The following WDR45B variants were observed in gnomAD, a reference collection of about 807,000 sequenced individuals.
WDR45B encodes the protein WD repeat domain 45B.
WDR45B carries 20 observed loss-of-function variants against 44.6 expected under a neutral mutation model. The observed-to-expected ratio is 0.45, with a 90% CI of 0.32 to 0.65. The LOEUF is 0.65. WDR45B is among the 30% of genes least tolerant of loss of function. The pLI is 0.05. For synonymous variants in WDR45B, 169 were observed against 164.9 expected, an observed-to-expected ratio of 1.02 and a Z score of -0.19; for missense variants, 323 against 430.2, an observed-to-expected ratio of 0.75 and a Z score of 2.20.
chr17:82,629,915 G>C lies in WDR45B; in HGVS notation c.244+1006C>G, dbSNP rs543820690. 74 of 984,750 alleles carry C rather than the reference G, an allele frequency of 7.5e-5. No individual in the cohort carries two copies. In the South Asian group the frequency reaches 9.9e-4, roughly 13 times the overall value. 61.0% of individuals were successfully genotyped at this position (984,750 alleles called of 1,614,324 possible). A position where few individuals can be genotyped will look rare whatever the true frequency, so the allele number is the denominator to read the frequency against. On this transcript the variant is annotated intron_variant, in intron 3 of 9. Coordinates refer to ENST00000392325, the MANE Select transcript of WDR45B (RefSeq NM_019613.4). The stretch of plus-strand genomic sequence containing the variant: ...TGCGGCGCCCCCAGAGCCCCATCCT[G>C]GTCTTGATTCTGAACTGCCTCCCTC...
intron 2 of WDR45B, among the ~76,000 whole-genome samples, chr17:82,639,311 T>C (rs752041715): frequency 5.9e-5 from 9 of 152,046 alleles, no homozygotes; most frequent in Non-Finnish European, 8.8e-5. Context: ...ACCCCTTTCA[T>C]GAAAGTCATT....
intron 5 of WDR45B, among the ~76,000 whole-genome samples, chr17:82,623,051 A>G (rs2045640267): frequency 6.6e-6 from 1 of 152,242 alleles, no homozygotes; most frequent in Non-Finnish European, 1.5e-5. Context: ...TCTTTTAGCA[A>G]TACTTGCAAA....
In WDR45B at chr17:82,631,032, T is replaced by C. The variant is rs758032277; in HGVS notation, c.143-10A>G. ...CCTCCTTCTAGAAATTCTGAAATGA[T>C]AGTTTTAAAAAGACCAATGTTACAA... is the stretch of plus-strand genomic sequence containing the variant. On this transcript the variant is annotated splice_polypyrimidine_tract_variant and intron_variant, in intron 2 of 9. Transcript: ENST00000392325. 6.2e-7 allele frequency: 1 copy of C among 1,611,922 alleles called. No homozygotes were observed. The highest frequency in any genetic ancestry group is 1.1e-5 in the South Asian group (1 of 91,024).
At chr17:82,631,047 CA>C in intron 2 of WDR45B, 25 bp from the exon 3 acceptor site, 1 of 1,588,310 alleles carries the variant, frequency 6.3e-7, no homozygotes, top group African/African-American at 1.3e-5. Context: ...TTAAAAAGAC[CA>C]ATGTTACAAG....
intron 2 of WDR45B, among the ~76,000 whole-genome samples, chr17:82,634,167 A>AAAAAAAAC (rs2045805092): frequency 6.7e-6 from 1 of 149,642 alleles, no homozygotes; most frequent in South Asian, 2.1e-4. Context: ...AAAAAAAAAA[A>AAAAAAAAC]AAAAAAAGGC....
intron 2 of WDR45B, among the ~76,000 whole-genome samples, chr17:82,635,426 G>GTTTTT (rs35735710): frequency 2.2e-5 from 3 of 135,640 alleles, no homozygotes; most frequent in African/African-American, 2.8e-5. Flanking sequence ...GTCTTTTCAG[G>GTTTTT]TTTTTTTTTT....
intron 7 of WDR45B, among the ~76,000 whole-genome samples, chr17:82,617,991 C>T (rs955664428): frequency 1.4e-4 from 21 of 151,670 alleles, no homozygotes; most frequent in African/African-American, 4.9e-4. Context: ...CGCAGTAGCA[C>T]GACCTTGGCT....
At chr17:82,622,200 A>G (rs1267791453) in intron 5 of WDR45B, among the ~76,000 whole-genome samples, 2 of 152,188 alleles carry the variant, frequency 1.3e-5, no homozygotes, top group African/African-American at 2.4e-5. Context: ...AAACGGAGGA[A>G]TAAGTTAACA....
At chr17:82,631,374 C>G (rs927942672) in intron 2 of WDR45B, among the ~76,000 whole-genome samples, 1 of 148,244 alleles carries the variant, frequency 6.7e-6, no homozygotes, top group East Asian at 2.0e-4. Flanking sequence ...ACCTCCACCT[C>G]CTGGGTTCAA....
intron 2 of WDR45B, among the ~76,000 whole-genome samples, chr17:82,632,724 C>T (rs960670643): frequency 2.0e-5 from 3 of 151,998 alleles, no homozygotes; most frequent in African/African-American, 7.2e-5. Context: ...GCTCGATCTT[C>T]GAGATATTTA....
At chr17:82,617,261 C>G (rs1342715902) in intron 8 of WDR45B, 35 bp downstream of exon 8, 2 of 1,600,154 alleles carry the variant, frequency 1.2e-6, no homozygotes, top group East Asian at 2.2e-5. Flanking sequence ...CCTCTCATCC[C>G]CCGGCTTTTC....
intron 2 of WDR45B, among the ~76,000 whole-genome samples, chr17:82,637,989 C>T (rs906405128): frequency 1.5e-4 from 22 of 150,838 alleles, no homozygotes; most frequent in Admixed American, 7.9e-4. Context: ...GCCTGGTCAA[C>T]GTGGTGAAAC....
intron 2 of WDR45B, among the ~76,000 whole-genome samples, chr17:82,637,716 A>G (rs2045852145): frequency 6.6e-6 from 1 of 152,052 alleles, no homozygotes; most frequent in African/African-American, 2.4e-5. Context: ...CAAAGGATAC[A>G]GATGAAGAGA....
chr17:82,619,937 C>A (rs7210861), intron 6 of WDR45B, among the ~76,000 whole-genome samples: 125,620 of 152,136 alleles, frequency 0.83, 52,115 homozygotes, highest in South Asian at 0.91. Context: ...GGCACCGCTG[C>A]GGCTAAGAAA....
intron 3 of WDR45B, 67 bp downstream of exon 3, chr17:82,630,854 A>G: frequency 7.0e-7 from 1 of 1,422,888 alleles, no homozygotes; most frequent in Admixed American, 1.7e-5. Flanking sequence ...CCACAAACAT[A>G]AACGCATTCA....
intron 2 of WDR45B, among the ~76,000 whole-genome samples, chr17:82,639,467 A>G (rs2045880511): frequency 1.3e-5 from 2 of 151,876 alleles, no homozygotes; most frequent in African/African-American, 4.9e-5. Context: ...CAGGTTACCA[A>G]ACTTCCCCTT....
chr17:82,622,723 T>A (rs34509144), intron 5 of WDR45B, among the ~76,000 whole-genome samples: 8,428 of 146,576 alleles, frequency 0.057, 281 homozygotes, highest in African/African-American at 0.088. Flanking sequence ...TGACCAAAAA[T>A]TTTTTTTTTT....
chr17:82,638,175 C>A, intron 2 of WDR45B, among the ~76,000 whole-genome samples: 1 of 109,330 alleles, frequency 9.1e-6, no homozygotes, highest in Non-Finnish European at 1.8e-5. Context: ...GAGATTCTGT[C>A]AAAGAAGAGG....
intron 3 of WDR45B, among the ~76,000 whole-genome samples, chr17:82,627,796 G>A (rs1054697175): frequency 2.6e-5 from 4 of 152,232 alleles, no homozygotes; most frequent in East Asian, 1.9e-4. Flanking sequence ...GCCTGGTTAC[G>A]TTCCTCTCCC....
Sources: gnomAD v4.1 joint callset for allele counts (sites outside exome capture counted in the v4.1 genomes callset) on GRCh38, gnomAD v4.1.1 for gene constraint, MANE v1.5 for transcripts, NCBI Gene and HGNC (gene_info 2026-07-23, HGNC 2026-07-21) for gene names.